Variants in GABRB2 observed in about 807,000 individuals in gnomAD.
The protein encoded by GABRB2 is gamma-aminobutyric acid receptor subunit beta-2.
GABRB2 carries 16 observed loss-of-function variants against 54.7 expected under a neutral mutation model. That is an observed-to-expected ratio of 0.29 (90% CI 0.20 to 0.44). GABRB2 has a LOEUF of 0.44. GABRB2 is among the 20% of genes least tolerant of loss of function. The probability of loss-of-function intolerance (pLI) is 1.00; values close to 1 mark genes in which losing one functional copy is unlikely to be tolerated. For missense variants in GABRB2, 355 were observed against 644.0 expected, an observed-to-expected ratio of 0.55 and a Z score of 4.86; for synonymous variants, 244 against 233.8, an observed-to-expected ratio of 1.04 and a Z score of -0.40.
At chr5:161,390,883 G>A (rs762269165) in intron 5 of GABRB2, among the ~76,000 whole-genome samples, 2 of 151,808 alleles carry the variant, frequency 1.3e-5, no homozygotes, top group Admixed American at 1.3e-4. Context: ...CAAGTAAAAC[G>A]GTTAAACATA....
At chr5:161,336,912 G>T in intron 5 of GABRB2, 143 bp from the exon 6 acceptor site, 1 of 861,900 alleles carries the variant, frequency 1.2e-6, no homozygotes, top group Non-Finnish European at 1.7e-6. Context: ...TATGTGTTTG[G>T]TATCATACTA....
intron 3 of GABRB2, among the ~76,000 whole-genome samples, chr5:161,501,015 T>A (rs1561673265): frequency 6.6e-6 from 1 of 151,508 alleles, no homozygotes; most frequent in Non-Finnish European, 1.5e-5. Flanking sequence ...CCCCAGAGTG[T>A]GATGTTCCCC....
chr5:161,309,747 C>T (rs1757805137), intron 9 of GABRB2, among the ~76,000 whole-genome samples: 1 of 151,832 alleles, frequency 6.6e-6, no homozygotes, highest in South Asian at 2.1e-4. Context: ...TCTCCTGCCT[C>T]AGCCTCCTGA....
intron 8 of GABRB2, among the ~76,000 whole-genome samples, chr5:161,329,206 G>A (rs879781739): frequency 6.6e-6 from 1 of 152,110 alleles, no homozygotes; most frequent in Non-Finnish European, 1.5e-5. Context: ...AATTGATTTA[G>A]ACTCATTTTG....
intron 5 of GABRB2, among the ~76,000 whole-genome samples, chr5:161,340,523 C>A (rs976474540): frequency 1.3e-5 from 2 of 151,888 alleles, no homozygotes; most frequent in African/African-American, 4.8e-5. Context: ...AAAGAGAACT[C>A]TTTAGAATAA....
At chr5:161,358,814 A>G (rs75995053) in intron 5 of GABRB2, among the ~76,000 whole-genome samples, 4,208 of 152,204 alleles carry the variant, frequency 0.028, 169 homozygotes, top group East Asian at 0.17. Flanking sequence ...GGGAGAAGGT[A>G]TGAAGTAGTT....
At chr5:161,544,525 T>C (rs1760913226) in intron 3 of GABRB2, among the ~76,000 whole-genome samples, 1 of 152,350 alleles carries the variant, frequency 6.6e-6, no homozygotes. Context: ...CTTTTTCCTC[T>C]TAACACTTGC....
chr5:161,393,807 G>A (rs930421590), intron 5 of GABRB2, among the ~76,000 whole-genome samples: 2 of 151,886 alleles, frequency 1.3e-5, no homozygotes, highest in African/African-American at 4.8e-5. Flanking sequence ...AACATAGTAG[G>A]AATTTTTATA....
At chr5:161,545,882 G>A (rs1760969038) in intron 2 of GABRB2, among the ~76,000 whole-genome samples, 1 of 152,110 alleles carries the variant, frequency 6.6e-6, no homozygotes, top group African/African-American at 2.4e-5. Context: ...CTGTAACCCT[G>A]GCCAGAAGAA....
intron 3 of GABRB2, among the ~76,000 whole-genome samples, chr5:161,525,466 A>AT (rs1760249310): frequency 1.3e-5 from 2 of 151,280 alleles, no homozygotes; most frequent in Admixed American, 1.3e-4. Context: ...TTTTCTCTGT[A>AT]TTTTTTACAA....
In GABRB2 at chr5:161,330,968, A is replaced by G. The variant is rs2113397611; in HGVS notation, c.992T>C (p.Phe331Ser). 6.2e-7 allele frequency: 1 copy of G among 1,614,182 alleles called. No homozygotes were observed. Among genetic ancestry groups the G allele is most frequent in the Non-Finnish European group, 8.5e-7 (1 of 1,180,036 alleles). Residue 331 changes from phenylalanine to serine, a missense_variant, in exon 8 of 10, where the codon TTT becomes TCT. By Grantham distance (155) the Phe-to-Ser change is radical. Transcript: ENST00000393959. Reference sequence around the variant, plus strand: ...CTTTTGGCGTTGGGGCCCCCTCCCAAAGAAGATGTAGTTGACTAGGGCATA... The same window carrying G: ...CTTTTGGCGTTGGGGCCCCCTCCCAGAGAAGATGTAGTTGACTAGGGCATA... Reference protein sequence around the residue: ...LEYALVNYIFFGRGPQRQKKA... With the variant: ...LEYALVNYIFSGRGPQRQKKA...
rs770848428 is a variant in GABRB2 at position 161,429,345 on chromosome 5, C to CA, written c.459-18289dup. Among the ~76,000 whole-genome samples, 11 of 31,424 alleles carry CA rather than the reference C, an allele frequency of 3.5e-4. 1 individual carries two copies. The East Asian group carries it at 3.7e-3, about 11-fold the overall frequency. 20.6% of individuals were successfully genotyped at this position (31,424 alleles called of 152,430 possible). A position where few individuals can be genotyped will look rare whatever the true frequency, so the allele number is the denominator to read the frequency against. ...TGGGCGATAGAGCAAGAATCCGTCT[C>CA]AAAAAAAAAAAAAGAAAAAGAAAAA... On this transcript the variant is annotated intron_variant, in intron 4 of 9. Transcript: ENST00000393959.
chr5:161,412,389 G>A (rs1368148199), intron 4 of GABRB2, among the ~76,000 whole-genome samples: 3 of 152,070 alleles, frequency 2.0e-5, no homozygotes, highest in Non-Finnish European at 4.4e-5. Flanking sequence ...TGTTGGCTCT[G>A]CTGCACCGAT....
At chr5:161,443,320 T>G (rs561253889) in intron 4 of GABRB2, among the ~76,000 whole-genome samples, 1 of 152,332 alleles carries the variant, frequency 6.6e-6, no homozygotes, top group African/African-American at 2.4e-5. Flanking sequence ...CACTTTTTCA[T>G]AATTTTAAAA....
At chr5:161,522,922 T>G (rs576139434) in intron 3 of GABRB2, among the ~76,000 whole-genome samples, 1 of 151,676 alleles carries the variant, frequency 6.6e-6, no homozygotes, top group South Asian at 2.1e-4. Context: ...TGTGACATCA[T>G]GTAAAATTAA....
intron 2 of GABRB2, among the ~76,000 whole-genome samples, chr5:161,545,506 C>T (rs1760954658): frequency 6.6e-6 from 1 of 150,866 alleles, no homozygotes; most frequent in Non-Finnish European, 1.5e-5. Flanking sequence ...TATGCACACA[C>T]GTATGCTGTG....
chr5:161,319,272 G>T (rs1758138020), intron 9 of GABRB2, among the ~76,000 whole-genome samples: 2 of 150,364 alleles, frequency 1.3e-5, no homozygotes, highest in South Asian at 2.1e-4. Flanking sequence ...CAGAGACCCA[G>T]GCAAGGAAGC....
At chr5:161,329,945 G>C (rs1298585363) in intron 8 of GABRB2, 1 of 152,198 alleles carries the variant, frequency 6.6e-6, no homozygotes, top group East Asian at 1.9e-4. Context: ...AGTAAAGAGA[G>C]CTGGCTCTAC....
intron 3 of GABRB2, among the ~76,000 whole-genome samples, chr5:161,475,469 T>C (rs1246154476): frequency 1.3e-5 from 2 of 151,974 alleles, no homozygotes; most frequent in Admixed American, 6.6e-5. Context: ...AAACTCATTT[T>C]ATGTGGCCAG....
Sources: gnomAD v4.1 joint callset for allele counts (sites outside exome capture counted in the v4.1 genomes callset) on GRCh38, gnomAD v4.1.1 for gene constraint, MANE v1.5 for transcripts, NCBI Gene and HGNC (gene_info 2026-07-23, HGNC 2026-07-21) for gene names.